The following CTBP2 variants were observed in gnomAD, a reference collection of about 807,000 sequenced individuals.
The protein encoded by CTBP2 is C-terminal binding protein 2, also known as C-terminal-binding protein 2.
A neutral mutation model predicts 80.3 loss-of-function variants in CTBP2; 30 were observed. The ratio of observed to expected loss-of-function variants is 0.37; its 90% CI spans 0.28 to 0.51. CTBP2 has a LOEUF of 0.51. Among genes scored for constraint, CTBP2 ranks in the 20% least tolerant of loss-of-function variants. The pLI is 0.93. For synonymous variants in CTBP2, 594 were observed against 587.4 expected (o/e 1.01, Z -0.16); for missense variants, 1,212 against 1,375.3 (o/e 0.88, Z 1.88).
At chr10:125,116,310 G>C (rs1388306324) in intron 1 of CTBP2, among the ~76,000 whole-genome samples, 2 of 152,194 alleles carry the variant, frequency 1.3e-5, no homozygotes, top group South Asian at 2.1e-4. Context: ...GAGGTTTCTG[G>C]AAGCATGGTG....
At chr10:124,992,246 G>A (rs1200519210) in intron 8 of CTBP2, among the ~76,000 whole-genome samples, 3 of 140,218 alleles carry the variant, frequency 2.1e-5, no homozygotes, top group Non-Finnish European at 4.6e-5. Context: ...GGGTGGGGTC[G>A]GGGGGTAGCA....
At chr10:125,010,737 T>G (rs1955788588) in intron 1 of CTBP2, among the ~76,000 whole-genome samples, 1 of 152,240 alleles carries the variant, frequency 6.6e-6, no homozygotes, top group South Asian at 2.1e-4. Context: ...GAGGAGAGAA[T>G]GAGAGAGCAG....
At position 125,121,544 on chromosome 10, in the gene CTBP2, TAAAAAATCC is replaced by T. The variant is rs1253386345; in HGVS notation, c.-205-10460_-205-10452del. ...TACTCACTTTTCAGACTCTGTACTTTAAAAAATCCATTTCAAGGCTATGTATATCACAGA... is the reference window on the plus strand; with the variant it reads ...TACTCACTTTTCAGACTCTGTACTTTATTTCAAGGCTATGTATATCACAGA... On this transcript the variant is annotated intron_variant, in intron 1 of 10. Coordinates refer to the CTBP2 transcript ENST00000337195. Among the ~76,000 whole-genome samples, 3 of 152,150 alleles carry T rather than the reference TAAAAAATCC, an allele frequency of 2.0e-5. 1 individual carries two copies. Among genetic ancestry groups the T allele is most frequent in the Non-Finnish European group, 4.4e-5 (3 of 68,028 alleles).
intron 2 of CTBP2, among the ~76,000 whole-genome samples, chr10:125,094,385 C>T (rs1051784510): frequency 6.6e-6 from 1 of 152,172 alleles, no homozygotes; most frequent in Non-Finnish European, 1.5e-5. Flanking sequence ...CAGGGCCCTT[C>T]CATCTGCAAT....
chr10:125,026,185 C>T lies in CTBP2; in HGVS notation c.1575G>A (p.Pro525=), dbSNP rs569186267. The T allele has an allele frequency of 1.1e-5, 17 of 1,611,922 alleles. No homozygotes were observed. The highest frequency in any genetic ancestry group is 1.7e-4 in the Middle Eastern group (1 of 6,054). The change falls in exon 1 of 9, where the codon CCG becomes CCA. Residue 525 remains proline (P), a synonymous_variant. Coordinates refer to ENST00000309035, the MANE Select transcript of CTBP2 (RefSeq NM_022802.3). ...GCGTGTGGAGGCTCTGGCTGGCCGG[C>T]GGCAGGGTGGATGGCCCCAGGGGTG...
intron 2 of CTBP2, among the ~76,000 whole-genome samples, chr10:125,065,468 G>C (rs549203139): frequency 1.3e-5 from 2 of 152,290 alleles, no homozygotes; most frequent in African/African-American, 4.8e-5. Context: ...AGCCCGCAGG[G>C]GCTTTGGGGA....
At chr10:125,092,179 T>G (rs893797685) in intron 2 of CTBP2, among the ~76,000 whole-genome samples, 42 of 126,458 alleles carry the variant, frequency 3.3e-4, no homozygotes, top group African/African-American at 1.4e-3. Context: ...GAAGATTCTT[T>G]TTTTTTTTTT....
chr10:125,094,416 C>T (rs528871687), intron 2 of CTBP2, among the ~76,000 whole-genome samples: 38 of 152,278 alleles, frequency 2.5e-4, no homozygotes, highest in African/African-American at 7.2e-4. Flanking sequence ...AAGGGACGGA[C>T]GCAATCGCTA....
intron 1 of CTBP2, chr10:125,026,033 C>G (rs367943790): frequency 1.7e-5 from 26 of 1,529,032 alleles, no homozygotes; most frequent in Middle Eastern, 2.0e-4. Flanking sequence ...CCCGCACCCC[C>G]CTGCTCCCCC....
At chr10:125,010,219 T>TA (rs59517853) in intron 1 of CTBP2, among the ~76,000 whole-genome samples, 20,502 of 105,768 alleles carry the variant, frequency 0.19, 2,159 homozygotes, top group East Asian at 0.28. Flanking sequence ...ATTTTAAGGT[T>TA]AAAAAAAAAA....
chr10:124,994,706 G>C (rs772160260), intron 4 of CTBP2, 23 bp from the exon 7 acceptor site: 1 of 1,612,466 alleles, frequency 6.2e-7, no homozygotes, highest in Non-Finnish European at 8.5e-7. Context: ...AGAGCGTCCA[G>C]GTGAGTGAGT....
chr10:125,156,973 A>T (rs1861030033), intron 1 of CTBP2, among the ~76,000 whole-genome samples: 1 of 152,184 alleles, frequency 6.6e-6, no homozygotes, highest in Admixed American at 6.5e-5. Context: ...AGCACACACA[A>T]CTTGGCAGGG....
At chr10:125,077,047 TGC>T (rs1452707566) in intron 2 of CTBP2, among the ~76,000 whole-genome samples, 1 of 152,218 alleles carries the variant, frequency 6.6e-6, no homozygotes, top group Non-Finnish European at 1.5e-5. Flanking sequence ...TGTGTCCAGA[TGC>T]GCCACGCCTC....
At chr10:125,095,478 C>A (rs531030728) in intron 2 of CTBP2, among the ~76,000 whole-genome samples, 2 of 152,132 alleles carry the variant, frequency 1.3e-5, no homozygotes. Flanking sequence ...GAAAAAGGGA[C>A]GAAATGAACC....
At chr10:125,161,137 C>G (rs1221624448), upstream of CTBP2, 3 of 151,808 alleles carry the variant, frequency 2.0e-5, no homozygotes, top group Non-Finnish European at 4.4e-5. Flanking sequence ...GCCGGCCTCG[C>G]CCCCTTCAGA....
intron 1 of CTBP2, among the ~76,000 whole-genome samples, chr10:125,140,533 A>T (rs936217279): frequency 6.6e-6 from 1 of 152,200 alleles, no homozygotes; most frequent in African/African-American, 2.4e-5. Context: ...AAAGAAAATA[A>T]TATCAAGGGC....
intron 1 of CTBP2, among the ~76,000 whole-genome samples, chr10:125,142,464 T>A (rs2133283726): frequency 6.6e-6 from 1 of 152,242 alleles, no homozygotes; most frequent in East Asian, 1.9e-4. Flanking sequence ...TAGTGGTGGC[T>A]GGAGGCTGGG....
chr10:124,993,624 A>AC (rs1374958081), intron 6 of CTBP2, among the ~76,000 whole-genome samples: 1 of 152,120 alleles, frequency 6.6e-6, no homozygotes, highest in Non-Finnish European at 1.5e-5. Context: ...CCACTGCCAC[A>AC]CCCCCACCAA....
intron 1 of CTBP2, among the ~76,000 whole-genome samples, chr10:125,150,595 T>C (rs943858205): frequency 1.3e-5 from 2 of 151,832 alleles, no homozygotes; most frequent in Admixed American, 6.6e-5. Flanking sequence ...CTTAATTACC[T>C]AAGCTCCCTG....
Sources: gnomAD v4.1 joint callset for allele counts (sites outside exome capture counted in the v4.1 genomes callset) on GRCh38, gnomAD v4.1.1 for gene constraint, MANE v1.5 for transcripts, NCBI Gene and HGNC (gene_info 2026-07-23, HGNC 2026-07-21) for gene names.